SRSF3: variants seen among roughly 807,000 people sequenced by gnomAD.
The protein encoded by SRSF3 is serine/arginine-rich splicing factor 3.
For synonymous variants in SRSF3, 87 were observed against 73.6 expected, an observed-to-expected ratio of 1.18 and a Z score of -0.93; for missense variants, 58 against 217.1, an observed-to-expected ratio of 0.27 and a Z score of 4.61.
rs181391353 is a variant in SRSF3 at position 36,601,268 on chromosome 6, A to T, written c.380+78A>T. The T allele has an allele frequency of 3.5e-6, 5 of 1,448,438 alleles. No homozygotes were observed. The African/African-American group carries it at 4.2e-5, about 12-fold the overall frequency. 89.7% of individuals were successfully genotyped at this position (1,448,438 alleles called of 1,614,324 possible). On this transcript the variant is annotated intron_variant, in intron 4 of 5. Coordinates refer to ENST00000373715, the MANE Select transcript of SRSF3 (RefSeq NM_003017.5). ...ATTCCTAAACTTTTCCAGGTGGCTT[A>T]GTTAATGGGAATAAACCTTGGCTTT...
At chr6:36,601,637 C>T in intron 4 of SRSF3, 71 bp from the exon 5 acceptor site, 6 of 1,403,840 alleles carry the variant, frequency 4.3e-6, no homozygotes, top group Non-Finnish European at 5.9e-6. Flanking sequence ...AGTCACCATG[C>T]CAGATCAAGA....
intron 3 of SRSF3, chr6:36,599,790 C>T (rs1778688145): frequency 7.5e-7 from 1 of 1,338,306 alleles, no homozygotes. Flanking sequence ...CTTTTTGGTC[C>T]ATCTATTAAT....
chr6:36,601,001 C>CTTTTTTTCTTTTTTTTT (rs1778703254), intron 3 of SRSF3, 151 bp from the exon 4 acceptor site: 1 of 86,206 alleles, frequency 1.2e-5, no homozygotes, highest in Non-Finnish European at 2.0e-5. Context: ...TCTTTTTTTT[C>CTTTTTTTCTTTTTTTTT]TTTTTTTTTT....
rs1468403135 is a variant in SRSF3 at position 36,603,252 on chromosome 6, A to G, written c.*1263A>G. The G allele has an allele frequency of 4.5e-6, 1 of 224,470 alleles. No individual in the cohort carries two copies. Among genetic ancestry groups the G allele is most frequent in the Non-Finnish European group, 8.9e-6 (1 of 112,386 alleles). The allele number at this position is 224,470 out of a possible 1,614,324, so 13.9% of individuals were successfully genotyped here. On this transcript the variant is annotated 3_prime_UTR_variant, in exon 6 of 6. Transcript: ENST00000373715. ...GGTCTAAAAATTGCTTCCATTTTAT[A>G]ATTTGAGGTGTTGCATGGGAATTCT...
At chr6:36,595,041 A>C (rs969348066) in intron 1 of SRSF3, among the ~76,000 whole-genome samples, 1 of 152,136 alleles carries the variant, frequency 6.6e-6, no homozygotes, top group African/African-American at 2.4e-5. Flanking sequence ...TGTTTTTAAA[A>C]ATTTTCACCA....
In SRSF3 at chr6:36,604,064, A is replaced by G. The variant is rs193180858; in HGVS notation, c.*2075A>G. 6 of 228,438 alleles carry G rather than the reference A, an allele frequency of 2.6e-5. No homozygotes were observed. The highest frequency in any genetic ancestry group is 2.5e-4 in the East Asian group (4 of 15,834). 14.2% of individuals were successfully genotyped at this position (228,438 alleles called of 1,614,324 possible). On this transcript the variant is annotated 3_prime_UTR_variant, in exon 6 of 6. Transcript: ENST00000373715. ...GACTCTTAGAAACTTTAGAACATGGAAATTGTTAAAAGCTTTGAATTGCAC... is the reference window on the plus strand; with the variant it reads ...GACTCTTAGAAACTTTAGAACATGGGAATTGTTAAAAGCTTTGAATTGCAC...
At chr6:36,595,101 A>C (rs1778604089) in intron 1 of SRSF3, among the ~76,000 whole-genome samples, 1 of 152,188 alleles carries the variant, frequency 6.6e-6, no homozygotes, top group Admixed American at 6.5e-5. Context: ...GGTCACGGCA[A>C]ATAGGATGTG....
In SRSF3 at chr6:36,594,380, CG is replaced by C. The variant is rs1344682027; in HGVS notation, c.-101del. 1 of 152,556 alleles carries C rather than the reference CG, an allele frequency of 6.6e-6. No homozygotes were observed. The highest frequency in any genetic ancestry group is 1.5e-5 in the Non-Finnish European group (1 of 68,134). 9.5% of individuals were successfully genotyped at this position (152,556 alleles called of 1,614,324 possible). ...CGGTGGTCCGCCATTTCGTGGACGC[CG>C]GGTGAGTGAGAGAGTTGGTTGGTGT... On this transcript the variant is annotated 5_prime_UTR_variant, in exon 1 of 6. Transcript: ENST00000373715.
At chr6:36,596,277 T>C (rs921880062) in intron 1 of SRSF3, among the ~76,000 whole-genome samples, 4 of 152,180 alleles carry the variant, frequency 2.6e-5, no homozygotes, top group Non-Finnish European at 5.9e-5. Context: ...TTAAAGCTGG[T>C]AAGTTTTGGC....
In SRSF3 at chr6:36,603,972, C is replaced by T. The variant is rs1778769016; in HGVS notation, c.*1983C>T. ...AAAAGTAACTTCACCAGGGAGTTAT[C>T]CTGACTTAGGTGACATACAGTCCCA... On this transcript the variant is annotated 3_prime_UTR_variant, in exon 6 of 6. Transcript: ENST00000373715. 1 of 230,558 alleles carries T rather than the reference C, an allele frequency of 4.3e-6. No homozygotes were observed. The highest frequency in any genetic ancestry group is 5.7e-5 in the Admixed American group (1 of 17,688). The allele number at this position is 230,558 out of a possible 1,614,324, so 14.3% of individuals were successfully genotyped here. A position where few individuals can be genotyped will look rare whatever the true frequency, so the allele number is the denominator to read the frequency against.
At chr6:36,598,774 C>CT (rs1778672318) in intron 2 of SRSF3, 75 bp from the exon 3 acceptor site, 3 of 1,539,398 alleles carry the variant, frequency 1.9e-6, no homozygotes, top group African/African-American at 1.4e-5. Context: ...GAATAGCCAA[C>CT]TGAGAGTACT....
At chr6:36,601,637 C>G in intron 4 of SRSF3, 71 bp from the exon 5 acceptor site, 1 of 1,403,842 alleles carries the variant, frequency 7.1e-7, no homozygotes, top group South Asian at 1.3e-5. Context: ...AGTCACCATG[C>G]CAGATCAAGA....
chr6:36,598,736 GCA>G, intron 2 of SRSF3, 111 bp from the exon 3 acceptor site: 2 of 1,271,390 alleles, frequency 1.6e-6, no homozygotes, highest in Non-Finnish European at 1.1e-6. Context: ...ATGTTAAATT[GCA>G]CAGACACTTA....
chr6:36,594,567 G>C (rs1778592157), intron 1 of SRSF3, 86 bp downstream of exon 1: 1 of 152,348 alleles, frequency 6.6e-6, no homozygotes, highest in South Asian at 2.1e-4. Flanking sequence ...GCCAGATTGA[G>C]ACAAAGAGGC....
At chr6:36,595,447 C>T (rs1226459555) in intron 1 of SRSF3, among the ~76,000 whole-genome samples, 6 of 152,100 alleles carry the variant, frequency 3.9e-5, no homozygotes, top group Admixed American at 3.3e-4. Context: ...AAAACATTTC[C>T]GTCACCTCCC....
chr6:36,602,149 G>A lies in SRSF3; in HGVS notation c.*160G>A, dbSNP rs1189474567. On this transcript the variant is annotated 3_prime_UTR_variant, in exon 6 of 6. Coordinates refer to ENST00000373715, the MANE Select transcript of SRSF3 (RefSeq NM_003017.5). ...TGTCTCTTGAAACAGTGACACAAAGGTGTAATTCTCTATGGTTTGAAATGG... is the reference window on the plus strand; with the variant it reads ...TGTCTCTTGAAACAGTGACACAAAGATGTAATTCTCTATGGTTTGAAATGG... The A allele has an allele frequency of 3.2e-5, 43 of 1,358,984 alleles. No homozygotes were observed. Among genetic ancestry groups the A allele is most frequent in the Non-Finnish European group, 4.0e-5 (41 of 1,017,366 alleles). 84.2% of individuals were successfully genotyped at this position (1,358,984 alleles called of 1,614,324 possible).
At position 36,598,896 on chromosome 6, in the gene SRSF3, AAAG is replaced by A; in HGVS notation, c.258_260del (p.Arg86del). 1 of 1,613,982 alleles carries A rather than the reference AAAG, an allele frequency of 6.2e-7. No individual in the cohort carries two copies. Among genetic ancestry groups the A allele is most frequent in the Non-Finnish European group, 8.5e-7 (1 of 1,179,986 alleles). On this transcript the variant is annotated inframe_deletion, in exon 3 of 6. Transcript: ENST00000373715. Reference sequence around the variant, plus strand: ...AGAGTGGAACTGTCGAATGGTGAAAAAAGAAGTAGAAATCGTGGCCCACCTCCC... The same window carrying A: ...AGAGTGGAACTGTCGAATGGTGAAAAAAGTAGAAATCGTGGCCCACCTCCC...
chr6:36,596,900 C>T lies in SRSF3; in HGVS notation c.138C>T (p.Pro46=), dbSNP rs1778638900. 1 of 1,613,918 alleles carries T rather than the reference C, an allele frequency of 6.2e-7. No homozygotes were observed. The highest frequency in any genetic ancestry group is 8.5e-7 in the Non-Finnish European group (1 of 1,179,996). ...GTGTGTGGGTTGCTAGAAACCCACCCGGCTTTGCTTTTGTTGAATTTGAAG... is the reference window on the plus strand; with the variant it reads ...GTGTGTGGGTTGCTAGAAACCCACCTGGCTTTGCTTTTGTTGAATTTGAAG... ...LRSVWVARNP[P]GFAFVEFEDP... is the part of the protein sequence containing the mutation. The change falls in exon 2 of 6, where the codon CCC becomes CCT. Residue 46 remains proline, a synonymous_variant. Coordinates refer to ENST00000373715, the MANE Select transcript of SRSF3 (RefSeq NM_003017.5).
At chr6:36,599,964 C>T in intron 3 of SRSF3, 1 of 1,315,330 alleles carries the variant, frequency 7.6e-7, no homozygotes, top group Non-Finnish European at 1.0e-6. Context: ...CGTCAGGTTG[C>T]ACCGCCCTTT....
Sources: allele counts gnomAD v4.1 joint callset (sites outside exome capture counted in the v4.1 genomes callset), GRCh38; gene constraint gnomAD v4.1.1; transcripts MANE v1.5; gene names NCBI Gene and HGNC (gene_info 2026-07-23, HGNC 2026-07-21).